The following STK4 variants were observed in gnomAD, a reference collection of about 807,000 sequenced individuals.
STK4 encodes serine/threonine-protein kinase 4.
Under a neutral mutation model 64.9 loss-of-function variants are expected in STK4, and 30 were observed. The observed-to-expected ratio is 0.46, with a 90% confidence interval of 0.35 to 0.63. The LOEUF is 0.63. Among genes scored for constraint, STK4 ranks in the 20% least tolerant of loss-of-function variants. The pLI, the probability that STK4 is intolerant of heterozygous loss-of-function variation, is 0.01. For synonymous variants in STK4, 177 were observed against 199.0 expected (o/e 0.89, Z 0.93); for missense variants, 466 against 598.5 (o/e 0.78, Z 2.31).
At chr20:44,985,743 CTT>C (rs2145662355) in intron 4 of STK4, among the ~76,000 whole-genome samples, 1 of 152,302 alleles carries the variant, frequency 6.6e-6, no homozygotes, top group African/African-American at 2.4e-5. Flanking sequence ...TCATGACACT[CTT>C]AAAAGTTATA....
intron 9 of STK4, among the ~76,000 whole-genome samples, chr20:45,009,848 T>C (rs908384804): frequency 6.6e-6 from 1 of 152,184 alleles, no homozygotes; most frequent in African/African-American, 2.4e-5. Context: ...TGTTTGTGTA[T>C]AGAAATGCTA....
chr20:45,043,207 A>C (rs1327098978), intron 10 of STK4, among the ~76,000 whole-genome samples: 1 of 152,132 alleles, frequency 6.6e-6, no homozygotes, highest in Non-Finnish European at 1.5e-5. Flanking sequence ...TGGCTGCATA[A>C]TATTCCATGG....
intron 10 of STK4, chr20:45,053,067 T>C: frequency 6.4e-7 from 1 of 1,570,838 alleles, no homozygotes; most frequent in Non-Finnish European, 8.7e-7. Flanking sequence ...TAATGAGATT[T>C]TGTGCTCTTT....
intron 5 of STK4, 75 bp from the exon 6 acceptor site, chr20:44,995,015 T>C (rs1790322890): frequency 8.0e-7 from 1 of 1,246,570 alleles, no homozygotes; most frequent in African/African-American, 1.5e-5. Flanking sequence ...TCTTCTTTTT[T>C]TCTCTGTAGA....
At chr20:45,039,444 T>C (rs2068578335) in intron 10 of STK4, among the ~76,000 whole-genome samples, 1 of 152,122 alleles carries the variant, frequency 6.6e-6, no homozygotes, top group African/African-American at 2.4e-5. Context: ...ATTTGAAGGT[T>C]TGAATTTTAT....
chr20:45,075,341 G>A lies in STK4; in HGVS notation c.*165G>A, dbSNP rs146404453. On this transcript the variant is annotated 3_prime_UTR_variant, in exon 11 of 11. Coordinates refer to ENST00000372806, the MANE Select transcript of STK4 (RefSeq NM_006282.5). ...GGGAAGGGCTCTCTTGACAGTCAGC[G>A]TGCCATCTTGATGTGTGTATGTACA... The A allele has an allele frequency of 3.9e-5, 33 of 845,278 alleles. No individual in the cohort carries two copies. The highest frequency in any genetic ancestry group is 1.9e-4 in the Admixed American group (7 of 37,404). The allele number at this position is 845,278 out of a possible 1,614,324, so 52.4% of individuals were successfully genotyped here. A position where few individuals can be genotyped will look rare whatever the true frequency, so the allele number is the denominator to read the frequency against.
At chr20:45,054,673 A>G (rs1978329262) in intron 10 of STK4, among the ~76,000 whole-genome samples, 1 of 151,598 alleles carries the variant, frequency 6.6e-6, no homozygotes, top group Non-Finnish European at 1.5e-5. Flanking sequence ...GTTAACCTCA[A>G]TGGATTATAT....
chr20:45,000,903 T>G (rs1455472902), intron 8 of STK4, among the ~76,000 whole-genome samples: 1 of 152,218 alleles, frequency 6.6e-6, no homozygotes, highest in Non-Finnish European at 1.5e-5. Context: ...GATGTTCACA[T>G]GAGTTTCTTA....
intron 10 of STK4, among the ~76,000 whole-genome samples, chr20:45,065,665 T>C (rs976338709): frequency 6.6e-6 from 1 of 152,172 alleles, no homozygotes; most frequent in African/African-American, 2.4e-5. Context: ...GTGTTCATAA[T>C]AGGTTCTGGG....
At chr20:45,042,035 C>G (rs576181543) in intron 10 of STK4, among the ~76,000 whole-genome samples, 2 of 152,264 alleles carry the variant, frequency 1.3e-5, no homozygotes, top group Admixed American at 1.3e-4. Context: ...ACTGTAACTT[C>G]AGTGTTGTTT....
chr20:44,980,593 C>T (rs2067419425), intron 3 of STK4, among the ~76,000 whole-genome samples: 1 of 152,124 alleles, frequency 6.6e-6, no homozygotes, highest in Non-Finnish European at 1.5e-5. Flanking sequence ...GTTTTTATTA[C>T]AAAGTACATA....
chr20:45,056,172 A>G (rs1290302530), intron 10 of STK4, among the ~76,000 whole-genome samples: 2 of 152,236 alleles, frequency 1.3e-5, no homozygotes, highest in Admixed American at 1.3e-4. Flanking sequence ...GCTATAGAAC[A>G]TGCTCCTTTT....
At chr20:45,031,342 A>G (rs1600507098) in intron 10 of STK4, among the ~76,000 whole-genome samples, 1 of 152,180 alleles carries the variant, frequency 6.6e-6, no homozygotes, top group Middle Eastern at 3.2e-3. Flanking sequence ...TAAGGAAGGA[A>G]AGGAGTCCAT....
chr20:45,029,547 A>G (rs1184563958), intron 10 of STK4, among the ~76,000 whole-genome samples: 3 of 152,226 alleles, frequency 2.0e-5, no homozygotes, highest in Non-Finnish European at 2.9e-5. Flanking sequence ...CATAGTTGAT[A>G]TTCTTGTTAC....
chr20:44,966,664 G>A (rs2067155481), intron 1 of STK4, 61 bp downstream of exon 1: 3 of 1,259,892 alleles, frequency 2.4e-6, no homozygotes, highest in Non-Finnish European at 3.0e-6. Flanking sequence ...GCGGGAACTG[G>A]TTGAGGGGAT....
chr20:45,061,791 C>T (rs1041983019), intron 10 of STK4, among the ~76,000 whole-genome samples: 2 of 151,684 alleles, frequency 1.3e-5, no homozygotes, highest in African/African-American at 4.8e-5. Flanking sequence ...CTATTGTTCA[C>T]CTGTATGTAC....
chr20:44,979,693 A>G (rs2067402803), intron 3 of STK4, among the ~76,000 whole-genome samples: 3 of 152,162 alleles, frequency 2.0e-5, no homozygotes, highest in African/African-American at 7.2e-5. Flanking sequence ...AGGTGGGGCT[A>G]CCTACCAAAA....
Position 45,079,395 on chromosome 20 carries a change from G to C in STK4, c.*4219G>C, listed in dbSNP as rs1347290736. ...ATGGCAGAGCCATGATTCAGATCCA[G>C]GTCTTCTGATTCTTATTCCAGTGTC... On this transcript the variant is annotated 3_prime_UTR_variant, in exon 11 of 11. Coordinates refer to ENST00000372806, the MANE Select transcript of STK4 (RefSeq NM_006282.5). 6.6e-6 allele frequency: 1 copy of C among 152,178 alleles called. No individual in the cohort carries two copies. Among genetic ancestry groups the C allele is most frequent in the Admixed American group, 6.5e-5 (1 of 15,278 alleles). 9.4% of individuals were successfully genotyped at this position (152,178 alleles called of 1,614,324 possible). A position where few individuals can be genotyped will look rare whatever the true frequency, so the allele number is the denominator to read the frequency against.
intron 10 of STK4, among the ~76,000 whole-genome samples, chr20:45,073,329 A>T (rs1980241506): frequency 6.6e-6 from 1 of 152,064 alleles, no homozygotes; most frequent in African/African-American, 2.4e-5. Flanking sequence ...CATTACAAAG[A>T]ACCTTTCGTC....
Sources: allele counts gnomAD v4.1 joint callset (sites outside exome capture counted in the v4.1 genomes callset), GRCh38; gene constraint gnomAD v4.1.1; transcripts MANE v1.5; gene names NCBI Gene and HGNC (gene_info 2026-07-23, HGNC 2026-07-21).